The following FAT3 variants were observed in gnomAD, a reference collection of about 807,000 sequenced individuals.
The protein encoded by FAT3 is protocadherin Fat 3.
A neutral mutation model predicts 310.2 loss-of-function variants in FAT3; 95 were observed. The observed-to-expected ratio is 0.31, with a 90% CI of 0.26 to 0.36. The LOEUF (loss-of-function observed/expected upper bound fraction) is 0.36. Among genes scored for constraint, FAT3 ranks in the 10% least tolerant of loss-of-function variants. The probability of loss-of-function intolerance (pLI) is 1.00; values close to 1 mark genes in which losing one functional copy is unlikely to be tolerated. For missense variants in FAT3, 5,408 were observed against 5,715.6 expected, an observed-to-expected ratio of 0.95 and a Z score of 1.74; for synonymous variants, 2,314 against 2,192.9, an observed-to-expected ratio of 1.06 and a Z score of -1.54.
chr11:92,864,898 A>C (rs2136341352), intron 21 of FAT3, among the ~76,000 whole-genome samples: 1 of 152,336 alleles, frequency 6.6e-6, no homozygotes. Flanking sequence ...TTACATTTGC[A>C]CATTTGCATG....
At chr11:92,796,053 C>T (rs965020556) in intron 9 of FAT3, among the ~76,000 whole-genome samples, 9 of 152,224 alleles carry the variant, frequency 5.9e-5, no homozygotes, top group African/African-American at 2.2e-4. Flanking sequence ...GCACCATAAT[C>T]AGTGAACACC....
Position 92,798,662 on chromosome 11 carries a change from T to C in FAT3, c.5649T>C (p.Phe1883=). The change falls in exon 10 of 28, where the codon TTT becomes TTC. Residue 1883 remains phenylalanine, a synonymous_variant. Coordinates refer to ENST00000525166, the MANE Select transcript of FAT3 (RefSeq NM_001367949.2). ...ATGTGAATGATAACCCACCTGTTTT[T>C]ACTCAGGCTGTGTTTGAGACTATCT... ...VTDVNDNPPV[F]TQAVFETILL... is the part of the protein sequence containing the mutation. 6.2e-7 allele frequency: 1 copy of C among 1,613,812 alleles called. No homozygotes were observed. The highest frequency in any genetic ancestry group is 8.5e-7 in the Non-Finnish European group (1 of 1,179,840).
At chr11:92,877,563 C>T (rs1949562511) in intron 22 of FAT3, among the ~76,000 whole-genome samples, 1 of 152,152 alleles carries the variant, frequency 6.6e-6, no homozygotes, top group African/African-American at 2.4e-5. Flanking sequence ...GAAACCAGGC[C>T]TTTACCTTCC....
chr11:92,299,768 A>G (rs1418679768), intron 1 of FAT3, among the ~76,000 whole-genome samples: 1 of 152,116 alleles, frequency 6.6e-6, no homozygotes, highest in Non-Finnish European at 1.5e-5. Flanking sequence ...TTTAAATAAC[A>G]TCAGTAGCAG....
chr11:92,670,502 A>G (rs950427960), intron 3 of FAT3, among the ~76,000 whole-genome samples: 3 of 152,210 alleles, frequency 2.0e-5, no homozygotes, highest in African/African-American at 7.2e-5. Flanking sequence ...TACCTCTGGG[A>G]GGAAGCACTT....
intron 9 of FAT3, among the ~76,000 whole-genome samples, chr11:92,797,449 C>T (rs557429146): frequency 6.6e-6 from 1 of 152,308 alleles, no homozygotes; most frequent in East Asian, 1.9e-4. Context: ...CAGTGGCATT[C>T]ATATGTGGGC....
Position 92,347,045 on chromosome 11 carries a change from C to T in FAT3, c.-17-5051C>T, listed in dbSNP as rs754625295. Among the ~76,000 whole-genome samples the T allele has an allele frequency of 2.6e-5, 4 of 152,260 alleles. No individual in the cohort carries two copies. The East Asian group carries it at 5.8e-4, about 22-fold the overall frequency. On this transcript the variant is annotated intron_variant, in intron 1 of 27. Transcript: ENST00000525166. ...TCCATTTATTAACTCAAATCCTATT[C>T]GGTAGGCATTATTGTTCTCATTTTA...
Position 92,890,786 on chromosome 11 carries a change from C to A in FAT3, c.13443C>A (p.Asp4481Glu), listed in dbSNP as rs2136446594. Reference sequence around the variant, plus strand: ...CCCTGGCCAGCACACTGAGCCCAGACTGCAGGAGAAGGCCCCAGTTTCATC... The same window carrying A: ...CCCTGGCCAGCACACTGAGCCCAGAATGCAGGAGAAGGCCCCAGTTTCATC... ...PVSLASTLSP[D>E]CRRRPQFHPS... Residue 4481 changes from aspartate (D) to glutamate (E), a missense_variant, in exon 28 of 28, where the codon GAC becomes GAA. Asp to Glu is a conservative substitution (Grantham distance 45). This residue lies in a region of FAT3 where 649 missense variants were observed against 666.2 expected (regional missense o/e 0.97). Coordinates refer to ENST00000525166, the MANE Select transcript of FAT3 (RefSeq NM_001367949.2). 1.2e-6 allele frequency: 2 copies of A among 1,613,932 alleles called. No individual in the cohort carries two copies. Among genetic ancestry groups the A allele is most frequent in the Non-Finnish European group, 1.7e-6 (2 of 1,179,882 alleles).
intron 3 of FAT3, among the ~76,000 whole-genome samples, chr11:92,557,776 G>C (rs1955073345): frequency 6.6e-6 from 1 of 152,166 alleles, no homozygotes; most frequent in Admixed American, 6.6e-5. Flanking sequence ...GAAATCCTGT[G>C]ATGTCTTAAA....
chr11:92,260,623 A>G (rs1191128749), intron 1 of FAT3, among the ~76,000 whole-genome samples: 3 of 152,130 alleles, frequency 2.0e-5, no homozygotes, highest in African/African-American at 7.2e-5. Flanking sequence ...GCCATGAACT[A>G]ATTCAGGACT....
At chr11:92,288,222 C>CA (rs989581292) in intron 1 of FAT3, among the ~76,000 whole-genome samples, 1 of 151,904 alleles carries the variant, frequency 6.6e-6, no homozygotes, top group African/African-American at 2.4e-5. Context: ...AAGGAAGTCA[C>CA]AAAAAAACAA....
chr11:92,416,219 C>CAA (rs34393360), intron 2 of FAT3, among the ~76,000 whole-genome samples: 2 of 131,342 alleles, frequency 1.5e-5, no homozygotes, highest in African/African-American at 5.6e-5. Flanking sequence ...ACTAAAGATA[C>CAA]AAAAAAAAAA....
At position 92,451,858 on chromosome 11, in the gene FAT3, C is replaced by T. The variant is rs61901549; in HGVS notation, c.3293-72776C>T. On this transcript the variant is annotated intron_variant, in intron 2 of 27. Transcript: ENST00000525166. ...TAATAATTGTGTTTGTGCATTTCTG[C>T]ATGTCATGGTCCCAAGCTATGATGG... 5.5e-3 allele frequency among the ~76,000 whole-genome samples: 834 copies of T among 152,266 alleles called. 10 individuals carry two copies. Among genetic ancestry groups the T allele is most frequent in the Middle Eastern group, 0.017 (5 of 294 alleles).
intron 1 of FAT3, among the ~76,000 whole-genome samples, chr11:92,254,584 A>G (rs765434441): frequency 2.6e-5 from 4 of 152,122 alleles, no homozygotes; most frequent in African/African-American, 4.8e-5. Flanking sequence ...CTAATTTTTG[A>G]TGTTAGGCTA....
In FAT3 at chr11:92,891,865, A is replaced by G. The variant is rs1949924059; in HGVS notation, c.*752A>G. ...TAAAGTTGTTTGAACATTAGAAAGAATGTGATTATCTGGTTGGTTTTGTGT... is the reference window on the plus strand; with the variant it reads ...TAAAGTTGTTTGAACATTAGAAAGAGTGTGATTATCTGGTTGGTTTTGTGT... On this transcript the variant is annotated 3_prime_UTR_variant, in exon 28 of 28. Transcript: ENST00000525166. 6.6e-6 allele frequency: 1 copy of G among 152,214 alleles called. No individual in the cohort carries two copies. Among genetic ancestry groups the G allele is most frequent in the Non-Finnish European group, 1.5e-5 (1 of 68,060 alleles). 9.4% of individuals were successfully genotyped at this position (152,214 alleles called of 1,614,324 possible).
intron 2 of FAT3, among the ~76,000 whole-genome samples, chr11:92,433,568 A>G (rs545325834): frequency 6.6e-6 from 1 of 152,124 alleles, no homozygotes; most frequent in Non-Finnish European, 1.5e-5. Context: ...TGCACCCACT[A>G]TGTAACCAGT....
intron 4 of FAT3, among the ~76,000 whole-genome samples, chr11:92,709,306 G>A (rs1031704398): frequency 6.6e-6 from 1 of 152,156 alleles, no homozygotes; most frequent in Non-Finnish European, 1.5e-5. Context: ...GTAGAAATAC[G>A]AAACTGGATG....
At chr11:92,684,554 A>G (rs1024176489) in intron 3 of FAT3, among the ~76,000 whole-genome samples, 2 of 152,202 alleles carry the variant, frequency 1.3e-5, no homozygotes, top group African/African-American at 4.8e-5. Context: ...CAGTAAAGCC[A>G]AGCAAATACT....
chr11:92,704,535 G>A (rs1475426816), intron 4 of FAT3, among the ~76,000 whole-genome samples: 2 of 152,146 alleles, frequency 1.3e-5, no homozygotes, highest in African/African-American at 2.4e-5. Flanking sequence ...TGAAAATGAG[G>A]TCACTGGGAA....
Sources: gnomAD v4.1 joint callset for allele counts (sites outside exome capture counted in the v4.1 genomes callset) on GRCh38, gnomAD v4.1.1 for gene constraint, gnomAD v4.1.1 regional missense constraint, MANE v1.5 for transcripts, NCBI Gene and HGNC (gene_info 2026-07-23, HGNC 2026-07-21) for gene names.